The following RBFOX1 variants were observed in gnomAD, a reference collection of about 807,000 sequenced individuals.
RBFOX1 encodes the protein RNA binding fox-1 homolog 1.
RBFOX1 carries 8 observed loss-of-function variants against 57.7 expected under a neutral mutation model. The ratio of observed to expected loss-of-function variants is 0.14; its 90% CI spans 0.08 to 0.25. RBFOX1 has a LOEUF of 0.25. RBFOX1 is among the 10% of genes least tolerant of loss of function. The pLI is 1.00. For missense variants in RBFOX1, 611 were observed against 548.5 expected, an observed-to-expected ratio of 1.11 and a Z score of -1.14; for synonymous variants, 326 against 222.4, an observed-to-expected ratio of 1.47 and a Z score of -4.15.
chr16:5,338,178 A>G (rs77918577), intron 1 of RBFOX1, among the ~76,000 whole-genome samples: 13,506 of 152,178 alleles, frequency 0.089, 2,028 homozygotes, highest in African/African-American at 0.31. Context: ...CTAGGCTGCA[A>G]GTTGTCTTCT....
At chr16:5,397,647 A>G (rs940606183) in intron 1 of RBFOX1, among the ~76,000 whole-genome samples, 9 of 152,346 alleles carry the variant, frequency 5.9e-5, no homozygotes, top group East Asian at 1.9e-4. Context: ...AAAGAGAGGA[A>G]CTGCTGTGGT....
intron 1 of RBFOX1, among the ~76,000 whole-genome samples, chr16:5,439,040 G>T (rs542704004): frequency 6.0e-5 from 9 of 148,850 alleles, no homozygotes; most frequent in African/African-American, 1.2e-4. Flanking sequence ...AATGGGGGGG[G>T]GGGCATAGTG....
At chr16:6,805,003 AAACTG>A (rs2086395815) in intron 3 of RBFOX1, among the ~76,000 whole-genome samples, 1 of 152,212 alleles carries the variant, frequency 6.6e-6, no homozygotes, top group South Asian at 2.1e-4. Flanking sequence ...AAAGATCTGA[AAACTG>A]AATACCATTT....
intron 3 of RBFOX1, among the ~76,000 whole-genome samples, chr16:6,813,069 T>TA (rs1379231689): frequency 1.3e-5 from 2 of 151,920 alleles, no homozygotes; most frequent in Admixed American, 1.3e-4. Context: ...TGCTGATGTA[T>TA]ATGAAGAAAA....
intron 1 of RBFOX1, among the ~76,000 whole-genome samples, chr16:6,125,924 A>G (rs1213983606): frequency 2.0e-5 from 3 of 152,172 alleles, no homozygotes; most frequent in Admixed American, 6.5e-5. Flanking sequence ...CCAGTTAAAT[A>G]CCTTTCAGTA....
At chr16:7,710,483 A>G in intron 15 of RBFOX1, 140 bp from the exon 16 acceptor site, 1 of 1,530,238 alleles carries the variant, frequency 6.5e-7, no homozygotes, top group African/African-American at 1.4e-5. Flanking sequence ...TTAGTTCTCC[A>G]AGAATGACCT....
At chr16:7,709,371 G>C (rs2083517686) in intron 15 of RBFOX1, 1 of 1,137,342 alleles carries the variant, frequency 8.8e-7, no homozygotes, top group Admixed American at 3.3e-5. Flanking sequence ...ACCTAGCAGA[G>C]CACTTACCTT....
intron 2 of RBFOX1, among the ~76,000 whole-genome samples, chr16:5,560,591 A>G (rs780943997): frequency 2.0e-5 from 3 of 152,162 alleles, no homozygotes; most frequent in African/African-American, 4.8e-5. Flanking sequence ...TGTGGTGCCT[A>G]TTTTTGGTGG....
chr16:5,372,474 A>G (rs1461677456), intron 1 of RBFOX1, among the ~76,000 whole-genome samples: 3 of 152,200 alleles, frequency 2.0e-5, no homozygotes, highest in African/African-American at 7.2e-5. Context: ...AAATAAGAAG[A>G]AGATGAAGAA....
intron 4 of RBFOX1, among the ~76,000 whole-genome samples, chr16:7,254,145 T>C (rs1225537200): frequency 1.3e-5 from 2 of 152,196 alleles, no homozygotes; most frequent in African/African-American, 2.4e-5. Context: ...CCCCCTTGTT[T>C]GTCAATGAGA....
At chr16:7,339,908 A>G (rs928554365) in intron 4 of RBFOX1, among the ~76,000 whole-genome samples, 5 of 152,178 alleles carry the variant, frequency 3.3e-5, no homozygotes, top group African/African-American at 7.2e-5. Flanking sequence ...GGTTATCTCT[A>G]CTTGATCCTC....
chr16:7,127,920 T>G (rs2069042266), intron 4 of RBFOX1, among the ~76,000 whole-genome samples: 3 of 152,198 alleles, frequency 2.0e-5, no homozygotes, highest in Non-Finnish European at 4.4e-5. Context: ...GTCTTTTGTT[T>G]AGAAGAGGGA....
chr16:6,099,324 G>A (rs1057054489), intron 1 of RBFOX1, among the ~76,000 whole-genome samples: 3 of 152,138 alleles, frequency 2.0e-5, no homozygotes, highest in Non-Finnish European at 4.4e-5. Context: ...GTCAGTAAAG[G>A]GTCTATGAGA....
chr16:7,653,847 G>A lies in RBFOX1; in HGVS notation c.790G>A (p.Ala264Thr), dbSNP rs770947838. ...CTTCCCGTATCCAGCAGCCACCGCCGCGGCCGCCTACCGAGGGGCGCACCT... is the reference window on the plus strand; with the variant it reads ...CTTCCCGTATCCAGCAGCCACCGCCACGGCCGCCTACCGAGGGGCGCACCT... The part of the protein sequence containing the change: ...PGFPYPAATA[A>T]AAYRGAHLRG... Residue 264 changes from alanine to threonine, a missense_variant, in exon 12 of 16, where the codon GCG (alanine) becomes ACG (threonine). Coordinates refer to ENST00000550418, the MANE Select transcript of RBFOX1 (RefSeq NM_018723.4). 14 of 1,606,846 alleles carry A rather than the reference G, an allele frequency of 8.7e-6. No individual in the cohort carries two copies. The highest frequency in any genetic ancestry group is 1.1e-5 in the Non-Finnish European group (13 of 1,179,562).
At chr16:5,426,436 G>A (rs1035687869) in intron 1 of RBFOX1, among the ~76,000 whole-genome samples, 1 of 152,214 alleles carries the variant, frequency 6.6e-6, no homozygotes, top group Non-Finnish European at 1.5e-5. Flanking sequence ...ACCGTACCCA[G>A]CGTTTGCAGC....
chr16:6,771,300 G>A (rs1253719642), intron 3 of RBFOX1, among the ~76,000 whole-genome samples: 4 of 152,074 alleles, frequency 2.6e-5, no homozygotes, highest in Non-Finnish European at 5.9e-5. Context: ...GCTTTGTTAC[G>A]GCAGCCCTGG....
chr16:6,495,206 C>A (rs564840064), intron 2 of RBFOX1, among the ~76,000 whole-genome samples: 1 of 152,128 alleles, frequency 6.6e-6, no homozygotes, highest in South Asian at 2.1e-4. Flanking sequence ...GCAACTTCTG[C>A]CTCCCGGATT....
intron 3 of RBFOX1, among the ~76,000 whole-genome samples, chr16:5,763,841 C>T (rs1274959878): frequency 2.6e-5 from 4 of 152,182 alleles, no homozygotes; most frequent in Admixed American, 1.3e-4. Context: ...CCTCTGAATG[C>T]GCTGGCTGTC....
chr16:6,581,148 A>G (rs896808523), intron 2 of RBFOX1, among the ~76,000 whole-genome samples: 4 of 152,138 alleles, frequency 2.6e-5, no homozygotes, highest in African/African-American at 4.8e-5. Context: ...TGGGACAACC[A>G]GAGTCTAATG....
Sources: allele counts gnomAD v4.1 joint callset (sites outside exome capture counted in the v4.1 genomes callset), GRCh38; gene constraint gnomAD v4.1.1; transcripts MANE v1.5; gene names NCBI Gene and HGNC (gene_info 2026-07-23, HGNC 2026-07-21).